The following HS6ST2 variants were observed in gnomAD, a reference collection of about 807,000 sequenced individuals.
The protein encoded by HS6ST2 is heparan sulfate 6-O-sulfotransferase 2, also known as heparan-sulfate 6-O-sulfotransferase 2.
HS6ST2 carries 17 observed loss-of-function variants against 33.0 expected under a neutral mutation model. The ratio of observed to expected loss-of-function variants is 0.52; its 90% CI spans 0.35 to 0.77. The LOEUF (loss-of-function observed/expected upper bound fraction) is 0.77, where lower values mean the gene tolerates loss of function less well. Ranked by LOEUF, HS6ST2 falls within the 30% of genes least tolerant of loss-of-function variation. The pLI, the probability that HS6ST2 is intolerant of heterozygous loss-of-function variation, is 0.01. For synonymous variants in HS6ST2, 248 were observed against 237.1 expected (o/e 1.05, Z -0.42); for missense variants, 519 against 551.7 (o/e 0.94, Z 0.59).
At chrX:132,634,831 A>G (rs918321541) in intron 4 of HS6ST2, among the ~76,000 whole-genome samples, 1 of 111,312 alleles carries the variant, frequency 9.0e-6, no homozygotes, top group African/African-American at 3.3e-5. Context: ...AATGAGTCAC[A>G]TGGCCCCTGA....
intron 2 of HS6ST2, among the ~76,000 whole-genome samples, chrX:132,886,509 G>A (rs2066254350): frequency 9.0e-6 from 1 of 111,033 alleles, no homozygotes. Context: ...GGGAGTAAAA[G>A]AATTTGAAGA....
chrX:132,879,815 G>T (rs2066147163), intron 2 of HS6ST2, among the ~76,000 whole-genome samples: 1 of 111,861 alleles, frequency 8.9e-6, no homozygotes, highest in Non-Finnish European at 1.9e-5. Context: ...TGAGTAATGG[G>T]GGAGACAGTC....
At chrX:132,642,863 A>G (rs1413103705) in intron 4 of HS6ST2, among the ~76,000 whole-genome samples, 1 of 112,467 alleles carries the variant, frequency 8.9e-6, no homozygotes. Context: ...TTCGTGCATC[A>G]GAGGTTTCTT....
In HS6ST2 at chrX:132,752,370, A is replaced by G. The variant is rs776282595; in HGVS notation, c.948-43876T>C. On this transcript the variant is annotated intron_variant, in intron 2 of 4. Coordinates refer to ENST00000370833, the MANE Select transcript of HS6ST2 (RefSeq NM_001394073.1). ...ATCTGTGGTCACAACTACTTGGGTG[A>G]CTGAAGCAGGAGAATTGCTTGAATC... Among the ~76,000 whole-genome samples the G allele has an allele frequency of 3.7e-5, 4 of 108,355 alleles. No homozygotes were observed. The South Asian group carries it at 1.7e-3, about 46-fold the overall frequency. The allele number at this position is 108,355 out of a possible 115,157, so 94.1% of individuals were successfully genotyped here.
intron 2 of HS6ST2, among the ~76,000 whole-genome samples, chrX:132,894,468 TTGTTATGTTATGTTA>T (rs61054237): frequency 0.043 from 3,945 of 91,764 alleles, 172 homozygotes; most frequent in African/African-American, 0.13. Flanking sequence ...GAAATTCCTA[TTGTTATGTTATGTTA>T]TGTTATGTTA....
intron 2 of HS6ST2, among the ~76,000 whole-genome samples, chrX:132,801,939 G>A (rs759745785): frequency 8.9e-6 from 1 of 111,907 alleles, no homozygotes; most frequent in East Asian, 2.8e-4. Context: ...TACAGGATGA[G>A]ATGTTTATCC....
At chrX:132,709,898 A>T (rs2064217329) in intron 2 of HS6ST2, among the ~76,000 whole-genome samples, 1 of 110,864 alleles carries the variant, frequency 9.0e-6, no homozygotes, top group Non-Finnish European at 1.9e-5. Flanking sequence ...AGGATCAGAA[A>T]ATTCCAAAGT....
At chrX:132,898,959 A>T (rs1249681676) in intron 2 of HS6ST2, among the ~76,000 whole-genome samples, 1 of 111,101 alleles carries the variant, frequency 9.0e-6, no homozygotes, top group Non-Finnish European at 1.9e-5. Context: ...GCTCACAAAG[A>T]CACAGGAACA....
intron 2 of HS6ST2, among the ~76,000 whole-genome samples, chrX:132,944,884 C>T (rs1305123518): frequency 9.0e-6 from 1 of 111,202 alleles, no homozygotes; most frequent in African/African-American, 3.3e-5. Flanking sequence ...AATGTTAGAC[C>T]TAAAACCATA....
At chrX:132,695,043 A>G (rs1321083981) in intron 3 of HS6ST2, among the ~76,000 whole-genome samples, 4 of 110,785 alleles carry the variant, frequency 3.6e-5, no homozygotes, top group Admixed American at 2.9e-4. Flanking sequence ...TCTGGACCCC[A>G]GGGACGAGGT....
At position 132,628,792 on chromosome X, in the gene HS6ST2, G is replaced by C. The variant is rs1412194358; in HGVS notation, c.1369C>G (p.Leu457Val). 1 of 1,211,934 alleles carries C rather than the reference G, an allele frequency of 8.3e-7. No homozygotes were observed. Among genetic ancestry groups the C allele is most frequent in the East Asian group, 3.0e-5 (1 of 33,835 alleles). Residue 457 changes from leucine to valine, a missense_variant, in exon 5 of 5, where the codon CTT (leucine) becomes GTT (valine). Physicochemically the swap from Leu to Val is conservative, Grantham distance 32. Transcript: ENST00000370833. ...VMPEKQRNKVLLESAKSNLKH... is the reference protein window; with the variant it reads ...VMPEKQRNKVVLESAKSNLKH... ...AGATTTGACTTGGCACTTTCCAGAA[G>C]GACCTTGTTTCTTTGCTTTTCAGGC...
At chrX:132,852,057 G>C (rs947381448) in intron 2 of HS6ST2, among the ~76,000 whole-genome samples, 1 of 111,381 alleles carries the variant, frequency 9.0e-6, no homozygotes, top group Non-Finnish European at 1.9e-5. Context: ...AGGGAGGATC[G>C]CTTGAGCCCA....
At chrX:132,884,547 T>C (rs1195674845) in intron 2 of HS6ST2, among the ~76,000 whole-genome samples, 2 of 111,966 alleles carry the variant, frequency 1.8e-5, no homozygotes, top group Admixed American at 9.5e-5. Context: ...CATCACAAAG[T>C]ACAAAGTGCT....
intron 2 of HS6ST2, among the ~76,000 whole-genome samples, chrX:132,783,054 G>A (rs1028578305): frequency 8.9e-6 from 1 of 111,787 alleles, no homozygotes; most frequent in African/African-American, 3.3e-5. Flanking sequence ...AGTAAAAGAA[G>A]CATAACTTCA....
chrX:132,649,948 C>A (rs1407349574), intron 4 of HS6ST2, among the ~76,000 whole-genome samples: 1 of 111,107 alleles, frequency 9.0e-6, no homozygotes, highest in African/African-American at 3.3e-5. Flanking sequence ...CAAGCTGAGG[C>A]TTGCTGCCAG....
intron 2 of HS6ST2, among the ~76,000 whole-genome samples, chrX:132,871,649 A>G (rs935845154): frequency 8.1e-5 from 9 of 110,999 alleles, no homozygotes; most frequent in African/African-American, 3.0e-4. Context: ...TGAAGTTGGA[A>G]ACCATCATTC....
At chrX:132,663,158 T>C (rs1369244930) in intron 4 of HS6ST2, among the ~76,000 whole-genome samples, 3 of 112,494 alleles carry the variant, frequency 2.7e-5, no homozygotes, top group Non-Finnish European at 5.6e-5. Context: ...AAAGCTGATG[T>C]TCTTTCAAAT....
At chrX:132,649,799 A>C (rs1422643045) in intron 4 of HS6ST2, among the ~76,000 whole-genome samples, 2 of 109,194 alleles carry the variant, frequency 1.8e-5, no homozygotes, top group Non-Finnish European at 3.8e-5. Flanking sequence ...CGGAGGTTGC[A>C]GTAAGCCTAG....
At chrX:132,912,634 T>G (rs926544267) in intron 2 of HS6ST2, among the ~76,000 whole-genome samples, 2 of 111,989 alleles carry the variant, frequency 1.8e-5, no homozygotes, top group Non-Finnish European at 3.8e-5. Flanking sequence ...TTTGATAAAT[T>G]TTGTCCCTTT....
Sources: allele counts gnomAD v4.1 joint callset (sites outside exome capture counted in the v4.1 genomes callset), GRCh38; gene constraint gnomAD v4.1.1; transcripts MANE v1.5; gene names NCBI Gene and HGNC (gene_info 2026-07-23, HGNC 2026-07-21).